Variants in COL4A3 observed in about 807,000 individuals in gnomAD.
COL4A3 encodes the protein collagen alpha-3(IV) chain.
Under a neutral mutation model 217.4 loss-of-function variants are expected in COL4A3, and 135 were observed. The observed-to-expected ratio is 0.62, with a 90% CI of 0.54 to 0.72. COL4A3 has a LOEUF of 0.72. Among genes scored for constraint, COL4A3 ranks in the 30% least tolerant of loss-of-function variants. The pLI is 0.00. For synonymous variants in COL4A3, 690 were observed against 736.3 expected (o/e 0.94, Z 1.02); for missense variants, 1,868 against 2,119.9 (o/e 0.88, Z 2.33).
intron 15 of COL4A3, among the ~76,000 whole-genome samples, chr2:227,255,161 G>A (rs1317265735): frequency 6.6e-6 from 1 of 152,110 alleles, no homozygotes; most frequent in East Asian, 1.9e-4. Context: ...GTCTCACTCT[G>A]GATAAAAGGC....
At chr2:227,271,926 A>G (rs1337913491) in intron 25 of COL4A3, among the ~76,000 whole-genome samples, 2 of 152,244 alleles carry the variant, frequency 1.3e-5, no homozygotes, top group Non-Finnish European at 2.9e-5. Flanking sequence ...AACAGATCTT[A>G]CCTCAAAGAG....
intron 36 of COL4A3, 132 bp downstream of exon 36, chr2:227,290,220 G>T: frequency 1.2e-6 from 1 of 827,136 alleles, no homozygotes; most frequent in Non-Finnish European, 2.0e-6. Flanking sequence ...TTGCGGGGCC[G>T]GGCACGGTGG....
At chr2:227,168,854 A>G (rs1266253201) in intron 1 of COL4A3, among the ~76,000 whole-genome samples, 1 of 151,686 alleles carries the variant, frequency 6.6e-6, no homozygotes, top group East Asian at 1.9e-4. Flanking sequence ...ATTTTCAATC[A>G]AATAGTATAT....
chr2:227,185,745 AGTGT>A (rs2066010155), intron 1 of COL4A3, among the ~76,000 whole-genome samples: 1 of 152,192 alleles, frequency 6.6e-6, no homozygotes, highest in East Asian at 1.9e-4. Flanking sequence ...TTCAAACTTC[AGTGT>A]GCATGAGAGG....
intron 7 of COL4A3, 78 bp from the exon 8 acceptor site, chr2:227,247,480 A>C: frequency 5.2e-6 from 7 of 1,357,780 alleles, no homozygotes; most frequent in South Asian, 1.2e-5. Flanking sequence ...ACACAATAGC[A>C]GAGAGGGCAG....
intron 20 of COL4A3, among the ~76,000 whole-genome samples, chr2:227,263,427 C>G (rs2070711682): frequency 6.6e-6 from 1 of 152,208 alleles, no homozygotes; most frequent in African/African-American, 2.4e-5. Flanking sequence ...ATTTTGCGCA[C>G]TGGGGGCATC....
intron 1 of COL4A3, among the ~76,000 whole-genome samples, chr2:227,169,074 T>A (rs1481976277): frequency 4.7e-4 from 66 of 140,954 alleles, no homozygotes; most frequent in African/African-American, 1.7e-3. Flanking sequence ...CAGAGTGTGA[T>A]GTTCCCCTTC....
At chr2:227,172,013 T>C (rs1380803738) in intron 1 of COL4A3, among the ~76,000 whole-genome samples, 1 of 152,220 alleles carries the variant, frequency 6.6e-6, no homozygotes, top group African/African-American at 2.4e-5. Flanking sequence ...GCATGCGCAG[T>C]GTGTTCACTG....
intron 1 of COL4A3, among the ~76,000 whole-genome samples, chr2:227,169,969 A>G (rs775930472): frequency 1.4e-4 from 22 of 152,122 alleles, no homozygotes; most frequent in Non-Finnish European, 5.9e-5. Flanking sequence ...TATCCCTATT[A>G]TTATTATTCT....
In COL4A3 at chr2:227,253,607, T is replaced by C. The variant is rs767620544; in HGVS notation, c.734T>C (p.Ile245Thr). Residue 245 changes from isoleucine to threonine, a missense_variant, in exon 13 of 52, where the codon ATT becomes ACT. Physicochemically the swap from Ile to Thr is moderately conservative, Grantham distance 89. Coordinates refer to ENST00000396578, the MANE Select transcript of COL4A3 (RefSeq NM_000091.5). This position sits in a 1 kb window ranked among gnomAD's most constrained non-coding sequence, Gnocchi z 4.4. ...TGPPGPPGTV[I>T]VTLTGPDNRT... ...CCCCCGGGACCACCAGGAACAGTTA[T>C]TGTGACCCTAACTGGCCCAGATAAC... 29 of 1,614,136 alleles carry C rather than the reference T, an allele frequency of 1.8e-5. No individual in the cohort carries two copies. In the Admixed American group the frequency reaches 2.5e-4, roughly 14 times the overall value.
At chr2:227,208,871 G>A (rs2067206346) in intron 1 of COL4A3, among the ~76,000 whole-genome samples, 1 of 146,330 alleles carries the variant, frequency 6.8e-6, no homozygotes, top group Admixed American at 7.0e-5. Flanking sequence ...AAAGAGGAGG[G>A]AGAGAAACAA....
In COL4A3 at chr2:227,307,659, G is replaced by A. The variant is rs73993953; in HGVS notation, c.4253-51G>A. ...ATTTAAATTAGTACTTTGAAAAAAC[G>A]AGTTTAAGATTTTTGTGTATGTTGC... On this transcript the variant is annotated intron_variant, in intron 47 of 51. Transcript: ENST00000396578. 58,509 of 1,464,788 alleles carry A rather than the reference G, an allele frequency of 0.04. 1,592 individuals carry two copies. The highest frequency in any genetic ancestry group is 0.097 in the African/African-American group (7,005 of 71,922). 90.7% of individuals were successfully genotyped at this position (1,464,788 alleles called of 1,614,324 possible). A position where few individuals can be genotyped will look rare whatever the true frequency, so the allele number is the denominator to read the frequency against.
chr2:227,204,229 A>G (rs2067010462), intron 1 of COL4A3, among the ~76,000 whole-genome samples: 1 of 152,162 alleles, frequency 6.6e-6, no homozygotes, highest in South Asian at 2.1e-4. Flanking sequence ...TGTAATATGC[A>G]ATAAGGATTA....
intron 37 of COL4A3, 95 bp downstream of exon 37, chr2:227,290,981 T>C (rs919920323): frequency 2.8e-5 from 38 of 1,365,948 alleles, no homozygotes; most frequent in Middle Eastern, 2.2e-4. Flanking sequence ...GCAGAGAAAA[T>C]TGAAACTGTT....
chr2:227,192,039 G>A (rs2066262800), intron 1 of COL4A3, among the ~76,000 whole-genome samples: 1 of 152,152 alleles, frequency 6.6e-6, no homozygotes, highest in African/African-American at 2.4e-5. Flanking sequence ...TAAAAAGGAA[G>A]AATTTGCTCT....
chr2:227,310,386 G>GGCTCACTACAATCTCTGCCTTCTT (rs2073697568), intron 50 of COL4A3, among the ~76,000 whole-genome samples: 1 of 152,138 alleles, frequency 6.6e-6, no homozygotes, highest in Non-Finnish European at 1.5e-5. Context: ...TCTGCCTTCT[G>GGCTCACTACAATCTCTGCCTTCTT]GCTCACTGCA....
chr2:227,246,798 T>A (rs369948212), intron 7 of COL4A3, 60 bp downstream of exon 7: 14 of 1,375,310 alleles, frequency 1.0e-5, no homozygotes, highest in African/African-American at 1.4e-5. Context: ...AGTGGTCTAC[T>A]CCATATGGCC....
chr2:227,231,169 C>G (rs1251558451), intron 1 of COL4A3, among the ~76,000 whole-genome samples: 3 of 152,062 alleles, frequency 2.0e-5, no homozygotes, highest in Non-Finnish European at 4.4e-5. Flanking sequence ...TGGTACATGT[C>G]TGCCATATCA....
intron 1 of COL4A3, among the ~76,000 whole-genome samples, chr2:227,178,431 A>T (rs1055904725): frequency 2.0e-5 from 3 of 152,216 alleles, no homozygotes; most frequent in Non-Finnish European, 4.4e-5. Context: ...CTATATATAG[A>T]GTTCCATACT....
Sources: gnomAD v4.1 joint callset for allele counts (sites outside exome capture counted in the v4.1 genomes callset) on GRCh38, gnomAD v4.1.1 for gene constraint, Gnocchi (gnomAD v3.1) non-coding constraint, MANE v1.5 for transcripts, NCBI Gene and HGNC (gene_info 2026-07-23, HGNC 2026-07-21) for gene names.